Variants in DCDC1 observed in about 807,000 individuals in gnomAD.
DCDC1 encodes the protein doublecortin domain containing 1.
In DCDC1, 200 loss-of-function variants were observed where a neutral mutation model predicts 178.3. The ratio of observed to expected loss-of-function variants is 1.12; its 90% CI spans 1.00 to 1.26. DCDC1 has a LOEUF of 1.26. Ranked by LOEUF, DCDC1 falls within the 50% of genes most tolerant of loss-of-function variation. DCDC1 has a pLI of 0.00. For synonymous variants in DCDC1, 690 were observed against 604.8 expected (o/e 1.14, Z -2.07); for missense variants, 1,983 against 1,749.2 (o/e 1.13, Z -2.38).
At chr11:30,996,470 AG>A (rs34755683) in intron 20 of DCDC1, among the ~76,000 whole-genome samples, 69,927 of 151,590 alleles carry the variant, frequency 0.46, 17,334 homozygotes, top group Middle Eastern at 0.58. Context: ...CCCCAGTGCA[AG>A]AGTATTGGGA....
At chr11:31,070,324 C>G (rs1956478889) in intron 18 of DCDC1, among the ~76,000 whole-genome samples, 1 of 152,188 alleles carries the variant, frequency 6.6e-6, no homozygotes, top group South Asian at 2.1e-4. Context: ...TTTCTCCTTT[C>G]AACTTTTCTT....
At chr11:31,034,621 T>C (rs1484142523) in intron 20 of DCDC1, among the ~76,000 whole-genome samples, 1 of 152,206 alleles carries the variant, frequency 6.6e-6, no homozygotes, top group East Asian at 1.9e-4. Context: ...CTGTATAGGT[T>C]TGTAGCCTAA....
Position 31,284,765 on chromosome 11 carries a change from A to C in DCDC1, c.960+5882T>G, listed in dbSNP as rs560050557. Among the ~76,000 whole-genome samples the C allele has an allele frequency of 2.0e-4, 31 of 151,904 alleles. 2 individuals carry two copies. The South Asian group carries it at 5.4e-3, about 27-fold the overall frequency. On this transcript the variant is annotated intron_variant, in intron 7 of 38. Coordinates refer to ENST00000684477, the MANE Select transcript of DCDC1 (RefSeq NM_001387274.1). ...GCAATTCTCCTGCCTCAGCCTCCCA[A>C]GTAGCTTGGATTACAGGCACCCACC...
chr11:30,952,423 C>T (rs1948482969), intron 21 of DCDC1, 22 bp downstream of exon 21: 1 of 1,534,662 alleles, frequency 6.5e-7, no homozygotes, highest in Non-Finnish European at 8.8e-7. Flanking sequence ...CAATGACCAT[C>T]TCTTAAGCTA....
chr11:31,075,242 T>A (rs996787608), intron 18 of DCDC1, among the ~76,000 whole-genome samples: 2 of 152,248 alleles, frequency 1.3e-5, no homozygotes, highest in Non-Finnish European at 2.9e-5. Context: ...TTTTAACAGC[T>A]GAATAATATT....
chr11:30,965,785 T>C (rs1418801474), intron 20 of DCDC1, among the ~76,000 whole-genome samples: 1 of 131,896 alleles, frequency 7.6e-6, no homozygotes, highest in Non-Finnish European at 1.6e-5. Flanking sequence ...CAGAGTGTGA[T>C]ATTCCCCTTC....
chr11:31,104,938 A>G (rs1255729545), intron 13 of DCDC1, among the ~76,000 whole-genome samples: 1 of 152,128 alleles, frequency 6.6e-6, no homozygotes, highest in African/African-American at 2.4e-5. Context: ...GAAAAATAAA[A>G]TATTCAAAAT....
intron 9 of DCDC1, among the ~76,000 whole-genome samples, chr11:31,204,784 T>G (rs1053391195): frequency 6.6e-6 from 1 of 152,202 alleles, no homozygotes; most frequent in South Asian, 2.1e-4. Flanking sequence ...ATTGTGCCAC[T>G]GCACTCTAGC....
At chr11:31,271,218 C>T (rs1048713818) in intron 7 of DCDC1, among the ~76,000 whole-genome samples, 1 of 152,184 alleles carries the variant, frequency 6.6e-6, no homozygotes, top group African/African-American at 2.4e-5. Flanking sequence ...CAGCCATCCA[C>T]TCTTTTTCCT....
chr11:31,203,305 A>C (rs1352179339), intron 9 of DCDC1, among the ~76,000 whole-genome samples: 1 of 152,216 alleles, frequency 6.6e-6, no homozygotes, highest in African/African-American at 2.4e-5. Context: ...GGATACTAAA[A>C]ATAATCAATT....
intron 9 of DCDC1, among the ~76,000 whole-genome samples, chr11:31,219,072 C>T (rs1973937765): frequency 6.6e-6 from 1 of 151,980 alleles, no homozygotes; most frequent in African/African-American, 2.4e-5. Context: ...CAGCCCATGC[C>T]TGAGTTGGTG....
intron 20 of DCDC1, among the ~76,000 whole-genome samples, chr11:30,997,757 A>G (rs1231106065): frequency 6.6e-6 from 1 of 152,180 alleles, no homozygotes; most frequent in Non-Finnish European, 1.5e-5. Flanking sequence ...GTGCTGGATT[A>G]CAATCAAACA....
At chr11:31,011,000 G>A (rs1331516222) in intron 20 of DCDC1, among the ~76,000 whole-genome samples, 1 of 151,982 alleles carries the variant, frequency 6.6e-6, no homozygotes, top group African/African-American at 2.4e-5. Context: ...TAGATCAATG[G>A]AAAATAATGC....
At chr11:30,969,051 A>C (rs1207834033) in intron 20 of DCDC1, among the ~76,000 whole-genome samples, 1 of 152,140 alleles carries the variant, frequency 6.6e-6, no homozygotes, top group Non-Finnish European at 1.5e-5. Flanking sequence ...TGCTTAAATA[A>C]TGATTCTTTT....
intron 36 of DCDC1, among the ~76,000 whole-genome samples, chr11:30,885,542 G>A (rs1054502418): frequency 1.2e-4 from 18 of 152,010 alleles, no homozygotes; most frequent in East Asian, 7.7e-4. Flanking sequence ...CTTAGGGAAC[G>A]CAGAGATAAC....
intron 3 of DCDC1, among the ~76,000 whole-genome samples, chr11:31,324,621 A>T (rs1949551335): frequency 6.6e-6 from 1 of 152,138 alleles, no homozygotes; most frequent in Non-Finnish European, 1.5e-5. Flanking sequence ...TGCTTCATTC[A>T]CTATTGCTGT....
intron 37 of DCDC1, among the ~76,000 whole-genome samples, chr11:30,879,725 A>G (rs1166512223): frequency 1.3e-5 from 2 of 152,182 alleles, no homozygotes; most frequent in Admixed American, 6.5e-5. Context: ...TGCATTTCCA[A>G]TATTTTTTCT....
intron 4 of DCDC1, among the ~76,000 whole-genome samples, chr11:31,306,642 A>G (rs55959949): frequency 0.31 from 46,449 of 151,574 alleles, 8,069 homozygotes; most frequent in Non-Finnish European, 0.38. Flanking sequence ...ATCAGAATAA[A>G]TGATTCTTAT....
At chr11:31,082,104 A>C (rs1000069465) in intron 17 of DCDC1, among the ~76,000 whole-genome samples, 1 of 152,196 alleles carries the variant, frequency 6.6e-6, no homozygotes, top group African/African-American at 2.4e-5. Flanking sequence ...TTTAAAAACA[A>C]AAAATAACAA....
Sources: allele counts gnomAD v4.1 joint callset (sites outside exome capture counted in the v4.1 genomes callset), GRCh38; gene constraint gnomAD v4.1.1; transcripts MANE v1.5; gene names NCBI Gene and HGNC (gene_info 2026-07-23, HGNC 2026-07-21).